Variants in EBF1 observed in about 807,000 individuals in gnomAD.
EBF1 encodes EBF transcription factor 1.
A neutral mutation model predicts 68.4 loss-of-function variants in EBF1; 10 were observed. The ratio of observed to expected loss-of-function variants is 0.15; its 90% CI spans 0.09 to 0.25. The LOEUF (loss-of-function observed/expected upper bound fraction) is 0.25. Among genes scored for constraint, EBF1 ranks in the 10% least tolerant of loss-of-function variants. The pLI is 1.00. For missense variants in EBF1, 509 were observed against 794.4 expected (o/e 0.64, Z 4.32); for synonymous variants, 298 against 299.8 (o/e 0.99, Z 0.06).
intron 4 of EBF1, among the ~76,000 whole-genome samples, chr5:159,093,184 T>C (rs1781963967): frequency 6.6e-6 from 1 of 152,212 alleles, no homozygotes; most frequent in Non-Finnish European, 1.5e-5. Context: ...GAAGCTAACC[T>C]ACTTCCAAAA....
intron 6 of EBF1, among the ~76,000 whole-genome samples, chr5:158,941,812 AC>A (rs1189556948): frequency 6.6e-6 from 1 of 152,226 alleles, no homozygotes; most frequent in Non-Finnish European, 1.5e-5. Context: ...AATAACTGCA[AC>A]AACCTCTACT....
intron 9 of EBF1, among the ~76,000 whole-genome samples, chr5:158,783,838 C>T (rs991017352): frequency 1.3e-5 from 2 of 152,216 alleles, no homozygotes; most frequent in African/African-American, 4.8e-5. Flanking sequence ...CAGCTGTGCA[C>T]GTAGAACTCC....
chr5:158,969,924 A>AAGAAAG (rs761760536), intron 6 of EBF1, among the ~76,000 whole-genome samples: 1,298 of 115,552 alleles, frequency 0.011, 29 homozygotes, highest in Non-Finnish European at 0.014. Flanking sequence ...AAGAAAAAAA[A>AAGAAAG]AAAAAAGGCT....
intron 6 of EBF1, among the ~76,000 whole-genome samples, chr5:158,959,934 G>T (rs949272401): frequency 2.0e-5 from 3 of 152,132 alleles, no homozygotes; most frequent in Non-Finnish European, 4.4e-5. Flanking sequence ...AGAACAGAAA[G>T]CCATGTGCCT....
chr5:158,745,707 TG>T (rs1767419007), intron 10 of EBF1, among the ~76,000 whole-genome samples: 1 of 152,318 alleles, frequency 6.6e-6, no homozygotes, highest in African/African-American at 2.4e-5. Context: ...TATAATTTGT[TG>T]TCTAAATGTA....
intron 6 of EBF1, among the ~76,000 whole-genome samples, chr5:159,048,901 G>A (rs781298705): frequency 3.3e-5 from 5 of 152,200 alleles, no homozygotes; most frequent in Non-Finnish European, 4.4e-5. Context: ...GATGTTTTCA[G>A]TGGAAGCAGT....
At chr5:158,735,286 A>G (rs758218780) in intron 10 of EBF1, among the ~76,000 whole-genome samples, 35 of 152,196 alleles carry the variant, frequency 2.3e-4, no homozygotes, top group Non-Finnish European at 4.7e-4. Context: ...TCTTTCTGAC[A>G]AAGTCTAGGG....
chr5:158,824,239 A>G (rs1029644503), intron 7 of EBF1, among the ~76,000 whole-genome samples: 15 of 152,228 alleles, frequency 9.9e-5, no homozygotes, highest in African/African-American at 3.1e-4. Flanking sequence ...AACAGCAATC[A>G]GCCCGCTCCC....
intron 5 of EBF1, chr5:159,073,716 C>G (rs1281333176): frequency 3.0e-5 from 15 of 506,704 alleles, no homozygotes; most frequent in Non-Finnish European, 4.6e-5. Context: ...CTCAGAACCC[C>G]AAGATGGGGT....
intron 6 of EBF1, among the ~76,000 whole-genome samples, chr5:159,063,336 T>C (rs1776189797): frequency 6.6e-6 from 1 of 152,190 alleles, no homozygotes; most frequent in Admixed American, 6.5e-5. Context: ...AAGAGTGCAA[T>C]AAAGCCGTGG....
intron 6 of EBF1, among the ~76,000 whole-genome samples, chr5:158,941,903 G>GGTGATTC (rs1271875359): frequency 2.0e-5 from 3 of 152,126 alleles, no homozygotes; most frequent in Non-Finnish European, 4.4e-5. Flanking sequence ...GTGATTCGTC[G>GGTGATTC]GATGGGAAGG....
At chr5:158,857,949 C>T (rs1794342197) in intron 6 of EBF1, among the ~76,000 whole-genome samples, 1 of 152,166 alleles carries the variant, frequency 6.6e-6, no homozygotes, top group Non-Finnish European at 1.5e-5. Flanking sequence ...CTTTCCTTAA[C>T]ACAACTTTTT....
At chr5:158,812,895 T>C (rs996411822) in intron 8 of EBF1, among the ~76,000 whole-genome samples, 1 of 152,222 alleles carries the variant, frequency 6.6e-6, no homozygotes, top group African/African-American at 2.4e-5. Context: ...TTGGGAGTTT[T>C]ATTTTTTAAA....
intron 11 of EBF1, among the ~76,000 whole-genome samples, chr5:158,715,367 C>T (rs1760427190): frequency 6.6e-6 from 1 of 152,162 alleles, no homozygotes; most frequent in African/African-American, 2.4e-5. Flanking sequence ...TCATCATAGC[C>T]TCTTCAAAAA....
Position 158,884,604 on chromosome 5 carries a change from G to A in EBF1, c.555-44494C>T, listed in dbSNP as rs374283377. ...GAGAGTGCTTTTAGGTGGAACACAG[G>A]GCACAACAGGAAGGTGCAAGAGACA... On this transcript the variant is annotated intron_variant, in intron 6 of 15. Transcript: ENST00000313708. 2.5e-3 allele frequency among the ~76,000 whole-genome samples: 375 copies of A among 152,130 alleles called. 3 individuals carry two copies. The highest frequency in any genetic ancestry group is 8.6e-3 in the African/African-American group (356 of 41,494).
intron 6 of EBF1, among the ~76,000 whole-genome samples, chr5:158,977,577 A>C (rs1273474273): frequency 1.3e-5 from 2 of 152,226 alleles, no homozygotes; most frequent in East Asian, 1.9e-4. Flanking sequence ...TTAGCATCCT[A>C]TCAGTTCAGA....
At chr5:158,760,776 T>C (rs2127615857) in intron 10 of EBF1, among the ~76,000 whole-genome samples, 1 of 152,288 alleles carries the variant, frequency 6.6e-6, no homozygotes, top group African/African-American at 2.4e-5. Context: ...ATTTTTCTTC[T>C]TATTATAGAT....
chr5:158,790,913 A>G lies in EBF1; in HGVS notation c.909+5432T>C, dbSNP rs571158007. On this transcript the variant is annotated intron_variant, in intron 9 of 15. Coordinates refer to ENST00000313708, the MANE Select transcript of EBF1 (RefSeq NM_024007.5). ...TTGCAAATCAACATCACATCTGTGT[A>G]TTGCAAGTGTGCTCTGAAAGAAAAG... 2.6e-5 allele frequency among the ~76,000 whole-genome samples: 4 copies of G among 152,338 alleles called. No homozygotes were observed. In the East Asian group the frequency reaches 7.7e-4, roughly 29 times the overall value.
chr5:158,796,605 A>T, intron 8 of EBF1, 130 bp from the exon 9 acceptor site: 1 of 1,133,726 alleles, frequency 8.8e-7, no homozygotes. Context: ...TCAAGATCTC[A>T]GCATTTCCCA....
Sources: gnomAD v4.1 joint callset for allele counts (sites outside exome capture counted in the v4.1 genomes callset) on GRCh38, gnomAD v4.1.1 for gene constraint, MANE v1.5 for transcripts, NCBI Gene and HGNC (gene_info 2026-07-23, HGNC 2026-07-21) for gene names.